The following ADA2 variants were observed in gnomAD, a reference collection of about 807,000 sequenced individuals.
ADA2 encodes adenosine deaminase CECR1.
ADA2 carries 29 observed loss-of-function variants against 44.2 expected under a neutral mutation model. That is an observed-to-expected ratio of 0.66 (90% CI 0.49 to 0.89). The LOEUF is 0.89. ADA2 is among the 40% of genes least tolerant of loss of function. The pLI is 0.00. For synonymous variants in ADA2, 215 were observed against 234.9 expected, an observed-to-expected ratio of 0.92 and a Z score of 0.77; for missense variants, 637 against 644.8, an observed-to-expected ratio of 0.99 and a Z score of 0.13.
At position 17,182,073 on chromosome 22, in the gene ADA2, G is replaced by A. The variant is rs1329941962; in HGVS notation, c.1240-51C>T. ...AGATGAACTCTGATCCCTAAAAAGA[G>A]TAGTCACAAGTGAGGTGAGACCTTG... is the stretch of plus-strand genomic sequence containing the variant. On this transcript the variant is annotated intron_variant, in intron 8 of 9. Transcript: ENST00000399837. 35 of 1,443,734 alleles carry A rather than the reference G, an allele frequency of 2.4e-5. 1 individual carries two copies. In the Middle Eastern group the frequency reaches 5.4e-4, roughly 22 times the overall value. 89.4% of individuals were successfully genotyped at this position (1,443,734 alleles called of 1,614,324 possible). A position where few individuals can be genotyped will look rare whatever the true frequency, so the allele number is the denominator to read the frequency against.
intron 4 of ADA2, chr22:17,199,785 A>G (rs1167986861): frequency 1.1e-5 from 16 of 1,421,562 alleles, no homozygotes; most frequent in Admixed American, 8.3e-5. Context: ...TTCGACATCA[A>G]TAAGATGAAT....
At chr22:17,185,293 G>A (rs1568969197) in intron 7 of ADA2, among the ~76,000 whole-genome samples, 1 of 151,618 alleles carries the variant, frequency 6.6e-6, no homozygotes, top group Non-Finnish European at 1.5e-5. Context: ...AGGCGCCCGA[G>A]TAGTCCCAGC....
At chr22:17,199,416 T>TCCTTCCTCCCCTCCTCTATCCTCTTCC in intron 4 of ADA2, 2 of 429,654 alleles carry the variant, frequency 4.7e-6, no homozygotes, top group East Asian at 3.9e-5. Context: ...TCTCAGCGTC[T>TCCTTCCTCCCCTCCTCTATCCTCTTCC]CCTCCCTCCC....
In ADA2 at chr22:17,188,329, G is replaced by A. The variant is rs777906358; in HGVS notation, c.1081+10C>T. ...CCTCCGCTGCCTCTGCTCGCATCCC[G>A]CAGGCTCACCTGTTTCTCCGGCGTG... On this transcript the variant is annotated intron_variant, in intron 7 of 9. Coordinates refer to ENST00000399837, the MANE Select transcript of ADA2 (RefSeq NM_001282225.2). 1.2e-5 allele frequency: 19 copies of A among 1,602,964 alleles called. No individual in the cohort carries two copies. Among genetic ancestry groups the A allele is most frequent in the African/African-American group, 6.7e-5 (5 of 74,602 alleles).
intron 1 of ADA2, among the ~76,000 whole-genome samples, chr22:17,216,060 A>G (rs942541590): frequency 2.6e-5 from 4 of 151,126 alleles, no homozygotes; most frequent in African/African-American, 4.9e-5. Flanking sequence ...GGTGGCGTGC[A>G]CCTGTAATCC....
intron 1 of ADA2, 166 bp from the exon 2 acceptor site, chr22:17,209,889 ATTTTTT>A: frequency 1.2e-5 from 5 of 401,914 alleles, no homozygotes; most frequent in Non-Finnish European, 1.3e-5. Context: ...GGGTTTCCCA[ATTTTTT>A]TTTTTTTTTT....
chr22:17,186,536 C>T (rs5994193), intron 7 of ADA2, among the ~76,000 whole-genome samples: 94,688 of 151,100 alleles, frequency 0.63, 30,105 homozygotes, highest in East Asian at 0.79. Context: ...GAGCCGAGAT[C>T]GCACCACTGC....
At chr22:17,209,072 A>G (rs1312770643) in intron 2 of ADA2, among the ~76,000 whole-genome samples, 1 of 152,014 alleles carries the variant, frequency 6.6e-6, no homozygotes, top group Non-Finnish European at 1.5e-5. Context: ...ATCACATTGT[A>G]TCCTATGTGG....
chr22:17,212,219 G>A (rs1046282452), intron 1 of ADA2, among the ~76,000 whole-genome samples: 1 of 151,932 alleles, frequency 6.6e-6, no homozygotes, highest in African/African-American at 2.4e-5. Context: ...TAGAGATGGG[G>A]TTTCACCACG....
chr22:17,190,100 C>A, intron 5 of ADA2, 68 bp from the exon 6 acceptor site: 1 of 1,270,890 alleles, frequency 7.9e-7, no homozygotes, highest in South Asian at 1.2e-5. Context: ...CCAGAGCACA[C>A]CCTCCGTGCA....
chr22:17,215,442 C>T (rs1413851143), intron 1 of ADA2, among the ~76,000 whole-genome samples: 1 of 151,924 alleles, frequency 6.6e-6, no homozygotes, highest in Non-Finnish European at 1.5e-5. Context: ...CCCGTCTCTA[C>T]TAAAAATACA....
Position 17,209,720 on chromosome 22 carries a change from G to GCAGTCCCGT in ADA2, c.-44_-43insACGGGACTG. ...GAAAGGGCTCAGATGGAGACTCCAC[G>GCAGTCCCGT]GGACTGCAAAGGAGAGTGGGGGAGT... On this transcript the variant is annotated 5_prime_UTR_variant, in exon 2 of 10. Transcript: ENST00000399837. The GCAGTCCCGT allele has an allele frequency of 6.6e-7, 1 of 1,514,812 alleles. No individual in the cohort carries two copies. Among genetic ancestry groups the GCAGTCCCGT allele is most frequent in the Non-Finnish European group, 9.0e-7 (1 of 1,106,660 alleles). 93.8% of individuals were successfully genotyped at this position (1,514,812 alleles called of 1,614,324 possible). A position where few individuals can be genotyped will look rare whatever the true frequency, so the allele number is the denominator to read the frequency against.
intron 6 of ADA2, chr22:17,188,650 C>T (rs1473142256): frequency 2.1e-5 from 8 of 389,468 alleles, no homozygotes; most frequent in South Asian, 7.4e-5. Flanking sequence ...GAGGCCGAGG[C>T]AGGCAGATCA....
In ADA2 at chr22:17,181,960, GT is replaced by G. The variant is rs1195996066; in HGVS notation, c.1301del (p.His434ProfsTer4). 6.2e-7 allele frequency: 1 copy of G among 1,614,056 alleles called. No homozygotes were observed. Among genetic ancestry groups the G allele is most frequent in the African/African-American group, 1.3e-5 (1 of 74,918 alleles). On this transcript the variant is annotated frameshift_variant, in exon 9 of 10. Transcript: ENST00000399837. LOFTEE classifies it high-confidence loss of function. ...HPVATLMATG[H>X]PMVISSDDPA... ...GGTCATCAGAGCTGATCACCATGGG[GT>G]GCCCAGTGGCCATCAGAGTGGCTAC... is the stretch of plus-strand genomic sequence containing the variant.
At chr22:17,199,439 C>CTTCCCCTCCCTCCCCACCTCTATACTA in intron 4 of ADA2, 2 of 1,056,666 alleles carry the variant, frequency 1.9e-6, no homozygotes. Flanking sequence ...CCTCTATCCT[C>CTTCCCCTCCCTCCCCACCTCTATACTA]TTCCCCTCCA....
In ADA2 at chr22:17,216,767, A is replaced by C. The variant is rs567779728; in HGVS notation, c.-47+2589T>G. Among the ~76,000 whole-genome samples, 22 of 103,424 alleles carry C rather than the reference A, an allele frequency of 2.1e-4. 1 individual carries two copies. The highest frequency in any genetic ancestry group is 1.8e-3 in the East Asian group (3 of 1,688). 67.9% of individuals were successfully genotyped at this position (103,424 alleles called of 152,430 possible). On this transcript the variant is annotated intron_variant, in intron 1 of 9. Transcript: ENST00000399837. ...GAGCAAGACTCCACCTCAAAAAAAA[A>C]AAAAACACACACACACACACACATA...
In ADA2 at chr22:17,181,865, T is replaced by C; in HGVS notation, c.1397A>G (p.Lys466Arg). 1 of 1,614,064 alleles carries C rather than the reference T, an allele frequency of 6.2e-7. No individual in the cohort carries two copies. ...YEVFMGIGGM[K>R]ADLRTLKQLA... ...CTGTTTGAGGGTCCTCAGGTCAGCCTTCATCCCCCCAATGCCCATGAAGAC... is the reference window on the plus strand; with the variant it reads ...CTGTTTGAGGGTCCTCAGGTCAGCCCTCATCCCCCCAATGCCCATGAAGAC... Residue 466 changes from lysine (K) to arginine (R), a missense_variant, in exon 9 of 10, where the codon AAG becomes AGG. Transcript: ENST00000399837.
intron 8 of ADA2, among the ~76,000 whole-genome samples, chr22:17,182,363 C>T (rs1352654435): frequency 2.0e-5 from 3 of 152,142 alleles, no homozygotes; most frequent in Non-Finnish European, 4.4e-5. Flanking sequence ...GTCCTTTTTG[C>T]TTTGTCTACA....
chr22:17,191,364 A>G (rs1403791927), intron 5 of ADA2, among the ~76,000 whole-genome samples: 1 of 152,264 alleles, frequency 6.6e-6, no homozygotes, highest in African/African-American at 2.4e-5. Flanking sequence ...ACATTCAGGC[A>G]AAACCATTAT....
Sources: gnomAD v4.1 joint callset for allele counts (sites outside exome capture counted in the v4.1 genomes callset) on GRCh38, gnomAD v4.1.1 for gene constraint, MANE v1.5 for transcripts, NCBI Gene and HGNC (gene_info 2026-07-23, HGNC 2026-07-21) for gene names.